Variants in C8orf34 observed in about 807,000 individuals in gnomAD.
C8orf34 encodes chromosome 8 open reading frame 34, also known as uncharacterized protein C8orf34.
Under a neutral mutation model 68.3 loss-of-function variants are expected in C8orf34, and 65 were observed. That is an observed-to-expected ratio of 0.95 (90% CI 0.78 to 1.17). C8orf34 has a LOEUF of 1.17. C8orf34 is among the 50% of genes most tolerant of loss of function. C8orf34 has a pLI of 0.00. For missense variants in C8orf34, 664 were observed against 655.4 expected, an observed-to-expected ratio of 1.01 and a Z score of -0.14; for synonymous variants, 244 against 241.2, an observed-to-expected ratio of 1.01 and a Z score of -0.11.
rs542874664 is a variant in C8orf34, at chr8:68,461,054, A to G, written c.608-7638A>G. 2.0e-5 allele frequency among the ~76,000 whole-genome samples: 3 copies of G among 152,338 alleles called. No homozygotes were observed. The South Asian group carries it at 6.2e-4, about 32-fold the overall frequency. On this transcript the variant is annotated intron_variant, in intron 3 of 13. Transcript: ENST00000518698. ...ACTTAAAAACTTTGAAAAAATTTAG[A>G]CGAATGTATAACTAGAATAACCAAT...
intron 3 of C8orf34, among the ~76,000 whole-genome samples, chr8:68,456,494 A>G (rs1281233915): frequency 6.6e-6 from 1 of 152,222 alleles, no homozygotes; most frequent in African/African-American, 2.4e-5. Context: ...TGAATAAATG[A>G]ATAAATGAGG....
intron 10 of C8orf34, among the ~76,000 whole-genome samples, chr8:68,766,280 C>A (rs1194041013): frequency 6.6e-6 from 1 of 152,102 alleles, no homozygotes; most frequent in African/African-American, 2.4e-5. Context: ...GTCACCTTAG[C>A]CGTTTAGTCA....
chr8:68,502,229 C>A (rs1813809555), intron 5 of C8orf34, among the ~76,000 whole-genome samples: 1 of 152,138 alleles, frequency 6.6e-6, no homozygotes, highest in Non-Finnish European at 1.5e-5. Context: ...CCATGCCCGG[C>A]TAATTTTTGT....
chr8:68,731,747 A>G (rs551826578), intron 10 of C8orf34, among the ~76,000 whole-genome samples: 1 of 152,234 alleles, frequency 6.6e-6, no homozygotes, highest in Non-Finnish European at 1.5e-5. Context: ...TTTAGTACCA[A>G]TTAGACCAAG....
chr8:68,752,466 T>C (rs1822735514), intron 10 of C8orf34, among the ~76,000 whole-genome samples: 1 of 152,152 alleles, frequency 6.6e-6, no homozygotes, highest in African/African-American at 2.4e-5. Flanking sequence ...TGACATCACA[T>C]TGGTACCTTG....
chr8:68,505,498 G>A (rs989507049), intron 5 of C8orf34, among the ~76,000 whole-genome samples: 3 of 94,976 alleles, frequency 3.2e-5, no homozygotes, highest in Non-Finnish European at 5.6e-5. Flanking sequence ...TTGGGAGGCC[G>A]AGGCGGGTGG....
chr8:68,434,083 T>C (rs1236486786), intron 1 of C8orf34, among the ~76,000 whole-genome samples: 1 of 152,196 alleles, frequency 6.6e-6, no homozygotes, highest in Non-Finnish European at 1.5e-5. Flanking sequence ...CTCTAAGTTC[T>C]TTTCAAAATT....
chr8:68,592,378 G>T (rs925227736), intron 7 of C8orf34, among the ~76,000 whole-genome samples: 1 of 151,798 alleles, frequency 6.6e-6, no homozygotes, highest in African/African-American at 2.4e-5. Flanking sequence ...TTAATTCCTG[G>T]ATATTGTATT....
intron 5 of C8orf34, among the ~76,000 whole-genome samples, chr8:68,496,580 C>T (rs780077713): frequency 1.3e-5 from 2 of 152,300 alleles, no homozygotes; most frequent in Admixed American, 6.5e-5. Context: ...CAGTGTGCCA[C>T]GGGCTGTCAG....
At chr8:68,813,949 G>A (rs1223815343) in intron 12 of C8orf34, among the ~76,000 whole-genome samples, 3 of 152,114 alleles carry the variant, frequency 2.0e-5, no homozygotes, top group Non-Finnish European at 4.4e-5. Context: ...CTTATCAAAT[G>A]TGAAATAGCA....
chr8:68,625,242 T>C (rs1818505280), intron 7 of C8orf34, among the ~76,000 whole-genome samples: 1 of 152,154 alleles, frequency 6.6e-6, no homozygotes, highest in South Asian at 2.1e-4. Context: ...CTGCTCCCAG[T>C]ATAGAAAGAG....
intron 5 of C8orf34, among the ~76,000 whole-genome samples, chr8:68,493,879 C>A (rs1379568516): frequency 6.6e-6 from 1 of 152,138 alleles, no homozygotes; most frequent in East Asian, 1.9e-4. Flanking sequence ...TCTGCTAGCA[C>A]CTTGATCTGG....
intron 5 of C8orf34, among the ~76,000 whole-genome samples, chr8:68,516,342 T>G (rs755835259): frequency 7.2e-5 from 11 of 152,228 alleles, no homozygotes; most frequent in Non-Finnish European, 1.3e-4. Context: ...CTATTTATTA[T>G]GAGGGGAGCA....
At chr8:68,741,286 T>C (rs946931353) in intron 10 of C8orf34, among the ~76,000 whole-genome samples, 1 of 152,184 alleles carries the variant, frequency 6.6e-6, no homozygotes, top group Non-Finnish European at 1.5e-5. Flanking sequence ...TTTTTTCCAA[T>C]AAAAATAAAC....
At chr8:68,533,408 G>A in intron 7 of C8orf34, 2 of 1,148,996 alleles carry the variant, frequency 1.7e-6, no homozygotes, top group Non-Finnish European at 2.1e-6. Flanking sequence ...ACGTAATGAA[G>A]CGTTATTCTG....
At chr8:68,675,933 G>T (rs1406981936) in intron 8 of C8orf34, among the ~76,000 whole-genome samples, 1 of 152,148 alleles carries the variant, frequency 6.6e-6, no homozygotes, top group African/African-American at 2.4e-5. Flanking sequence ...AAGAGCAGGA[G>T]TAGCTATACT....
At chr8:68,747,809 C>T (rs1412515405) in intron 10 of C8orf34, among the ~76,000 whole-genome samples, 2 of 151,482 alleles carry the variant, frequency 1.3e-5, no homozygotes, top group Admixed American at 6.6e-5. Context: ...GGCCATACTG[C>T]CCAAGGTAAT....
chr8:68,637,694 CA>C (rs1183592159), intron 7 of C8orf34, among the ~76,000 whole-genome samples: 1 of 152,096 alleles, frequency 6.6e-6, no homozygotes, highest in African/African-American at 2.4e-5. Flanking sequence ...TTTAGAATTA[CA>C]TAGATTCTAA....
intron 10 of C8orf34, among the ~76,000 whole-genome samples, chr8:68,770,617 C>G (rs1032693401): frequency 6.6e-6 from 1 of 152,180 alleles, no homozygotes; most frequent in African/African-American, 2.4e-5. Context: ...AAATATGGAG[C>G]CCCTTTTTCC....
Sources: gnomAD v4.1 joint callset for allele counts (sites outside exome capture counted in the v4.1 genomes callset) on GRCh38, gnomAD v4.1.1 for gene constraint, MANE v1.5 for transcripts, NCBI Gene and HGNC (gene_info 2026-07-23, HGNC 2026-07-21) for gene names.